The following NCAM2 variants were observed in gnomAD, a reference collection of about 807,000 sequenced individuals.
NCAM2 encodes the protein neural cell adhesion molecule 2.
NCAM2 carries 30 observed loss-of-function variants against 98.1 expected under a neutral mutation model. That is an observed-to-expected ratio of 0.31 (90% CI 0.23 to 0.41). The LOEUF is 0.41. Among genes scored for constraint, NCAM2 ranks in the 10% least tolerant of loss-of-function variants. The pLI is 1.00. For missense variants in NCAM2, 867 were observed against 1,005.8 expected, an observed-to-expected ratio of 0.86 and a Z score of 1.87; for synonymous variants, 368 against 342.4, an observed-to-expected ratio of 1.07 and a Z score of -0.83.
chr21:21,463,102 A>G (rs1278298874), intron 12 of NCAM2, among the ~76,000 whole-genome samples: 3 of 152,114 alleles, frequency 2.0e-5, no homozygotes, highest in African/African-American at 7.2e-5. Flanking sequence ...CAACTCTATT[A>G]TTGAGTACAC....
At chr21:21,389,388 G>A (rs543186545) in intron 9 of NCAM2, among the ~76,000 whole-genome samples, 1 of 152,180 alleles carries the variant, frequency 6.6e-6, no homozygotes, top group Non-Finnish European at 1.5e-5. Flanking sequence ...AATTATGGTA[G>A]CTACAATTCA....
At chr21:21,286,483 G>A (rs2073106269) in intron 4 of NCAM2, 71 bp downstream of exon 4, 3 of 1,462,688 alleles carry the variant, frequency 2.1e-6, no homozygotes, top group African/African-American at 2.8e-5. Flanking sequence ...CTGAATCTAT[G>A]TGTCTAGTTG....
chr21:21,074,322 T>G (rs1251594373), intron 1 of NCAM2, among the ~76,000 whole-genome samples: 2 of 152,066 alleles, frequency 1.3e-5, no homozygotes, highest in Non-Finnish European at 2.9e-5. Context: ...TTATTTTACA[T>G]TAATTTACAT....
intron 5 of NCAM2, among the ~76,000 whole-genome samples, chr21:21,304,105 T>A (rs1324249618): frequency 1.3e-5 from 2 of 152,138 alleles, no homozygotes; most frequent in Non-Finnish European, 2.9e-5. Flanking sequence ...GGGTGAAAGA[T>A]GTTGATGAGG....
At chr21:21,287,073 T>A (rs1415175135) in intron 4 of NCAM2, among the ~76,000 whole-genome samples, 1 of 151,992 alleles carries the variant, frequency 6.6e-6, no homozygotes, top group African/African-American at 2.4e-5. Flanking sequence ...GTGCTAAAAT[T>A]TCAGAATAAT....
chr21:21,497,748 C>A (rs751748341), intron 15 of NCAM2, among the ~76,000 whole-genome samples: 1 of 151,974 alleles, frequency 6.6e-6, no homozygotes, highest in Non-Finnish European at 1.5e-5. Context: ...AAAAGAAATT[C>A]GGTAGTAAGT....
At chr21:21,252,921 C>T (rs984395476) in intron 1 of NCAM2, among the ~76,000 whole-genome samples, 8 of 152,046 alleles carry the variant, frequency 5.3e-5, no homozygotes, top group African/African-American at 1.9e-4. Context: ...TTTTAGTGAA[C>T]ATCCGAAGCA....
intron 1 of NCAM2, among the ~76,000 whole-genome samples, chr21:21,128,602 G>T (rs999801668): frequency 5.3e-5 from 8 of 152,144 alleles, no homozygotes; most frequent in Non-Finnish European, 1.0e-4. Flanking sequence ...TAAAAGTAGT[G>T]TCGAATAATG....
chr21:21,433,268 A>C (rs73324862), intron 12 of NCAM2, among the ~76,000 whole-genome samples: 11,479 of 152,196 alleles, frequency 0.075, 475 homozygotes, highest in East Asian at 0.16. Context: ...TATTTTAATT[A>C]TGAAATACTT....
At chr21:21,050,030 A>G (rs2065075493) in intron 1 of NCAM2, among the ~76,000 whole-genome samples, 1 of 152,168 alleles carries the variant, frequency 6.6e-6, no homozygotes, top group African/African-American at 2.4e-5. Flanking sequence ...ATTATTCTAC[A>G]GTATGCATCA....
At chr21:21,536,121 A>G (rs1011782245) in intron 17 of NCAM2, among the ~76,000 whole-genome samples, 2 of 152,008 alleles carry the variant, frequency 1.3e-5, no homozygotes, top group African/African-American at 4.8e-5. Flanking sequence ...CTGAGACTGC[A>G]CTATTTATAA....
At chr21:21,223,602 T>C (rs1049533906) in intron 1 of NCAM2, 1 of 152,118 alleles carries the variant, frequency 6.6e-6, no homozygotes, top group Non-Finnish European at 1.5e-5. Context: ...TGCAGTGCTC[T>C]TAAGAATTTA....
chr21:21,176,852 A>G (rs1051970494), intron 1 of NCAM2, among the ~76,000 whole-genome samples: 1 of 151,914 alleles, frequency 6.6e-6, no homozygotes, highest in African/African-American at 2.4e-5. Flanking sequence ...TCAGGATTAT[A>G]GAACTGTTTG....
chr21:21,533,228 A>G (rs568154446), intron 16 of NCAM2, among the ~76,000 whole-genome samples: 36 of 122,874 alleles, frequency 2.9e-4, no homozygotes, highest in Admixed American at 2.1e-3. Context: ...AATATCCTAT[A>G]TCCACCATTA....
chr21:21,128,507 T>C (rs536021446), intron 1 of NCAM2, among the ~76,000 whole-genome samples: 29 of 152,116 alleles, frequency 1.9e-4, no homozygotes, highest in Non-Finnish European at 3.7e-4. Flanking sequence ...TTAAGACAAC[T>C]AATGAAAAAG....
At chr21:21,052,390 C>G (rs1192390704) in intron 1 of NCAM2, among the ~76,000 whole-genome samples, 1 of 152,050 alleles carries the variant, frequency 6.6e-6, no homozygotes, top group Non-Finnish European at 1.5e-5. Context: ...GTATAGAACT[C>G]CTGATCTCAG....
chr21:21,440,173 T>A (rs1979024925), intron 12 of NCAM2, among the ~76,000 whole-genome samples: 1 of 152,184 alleles, frequency 6.6e-6, no homozygotes, highest in South Asian at 2.1e-4. Context: ...AAAATAACCT[T>A]TTACTTAAAA....
intron 1 of NCAM2, among the ~76,000 whole-genome samples, chr21:21,000,435 A>G (rs1053071712): frequency 9.9e-5 from 15 of 152,214 alleles, no homozygotes; most frequent in African/African-American, 2.9e-4. Flanking sequence ...ATTTGGAGAC[A>G]TAGGAAATTA....
chr21:21,527,388 G>A (rs1989385356), intron 16 of NCAM2, among the ~76,000 whole-genome samples: 2 of 152,066 alleles, frequency 1.3e-5, no homozygotes, highest in Admixed American at 6.6e-5. Flanking sequence ...TTTATGCTCT[G>A]CAAAAGACAT....
Sources: allele counts gnomAD v4.1 joint callset (sites outside exome capture counted in the v4.1 genomes callset), GRCh38; gene constraint gnomAD v4.1.1; transcripts MANE v1.5; gene names NCBI Gene and HGNC (gene_info 2026-07-23, HGNC 2026-07-21).